Variants in GRK5 observed in about 807,000 individuals in gnomAD.
GRK5 encodes G protein-coupled receptor kinase 5, also known as g protein-coupled receptor kinase GRK5.
A neutral mutation model predicts 78.4 loss-of-function variants in GRK5; 40 were observed. The observed-to-expected ratio is 0.51, with a 90% CI of 0.40 to 0.66. GRK5 has a LOEUF of 0.66. Among genes scored for constraint, GRK5 ranks in the 30% least tolerant of loss-of-function variants. The pLI, the probability that GRK5 is intolerant of heterozygous loss-of-function variation, is 0.00. For missense variants in GRK5, 598 were observed against 759.9 expected (o/e 0.79, Z 2.50); for synonymous variants, 289 against 296.8 (o/e 0.97, Z 0.27).
At chr10:119,225,095 G>A (rs1848713409) in intron 1 of GRK5, among the ~76,000 whole-genome samples, 2 of 152,164 alleles carry the variant, frequency 1.3e-5, no homozygotes, top group African/African-American at 4.8e-5. Flanking sequence ...GGTTACATTT[G>A]TAGTAGAAAT....
chr10:119,209,487 G>GTTTTTT (rs60169912), intron 1 of GRK5, among the ~76,000 whole-genome samples: 5 of 98,924 alleles, frequency 5.1e-5, no homozygotes, highest in African/African-American at 1.1e-4. Context: ...TGTGTGTGTG[G>GTTTTTT]TTTTTTTTTT....
intron 1 of GRK5, among the ~76,000 whole-genome samples, chr10:119,210,094 T>A (rs190162360): frequency 4.1e-4 from 63 of 152,290 alleles, no homozygotes; most frequent in Non-Finnish European, 7.1e-4. Flanking sequence ...CCGACTCCCA[T>A]TGGGGCAGAA....
Position 119,412,576 on chromosome 10 carries a change from C to T in GRK5, c.340-10590C>T, listed in dbSNP as rs1171994898. 6.6e-6 allele frequency among the ~76,000 whole-genome samples: 1 copy of T among 152,172 alleles called. No homozygotes were observed. The highest frequency in any genetic ancestry group is 1.5e-5 in the Non-Finnish European group (1 of 68,022). The stretch of plus-strand genomic sequence containing the variant: ...TGTCTGGGGCTTGTGGATCACGTCT[C>T]CTGCCTGGCCATGGACAGAGAAAGG... On this transcript the variant is annotated intron_variant, in intron 4 of 15. Coordinates refer to ENST00000392870, the MANE Select transcript of GRK5 (RefSeq NM_005308.3). This position sits in a 1 kb window ranked among gnomAD's most constrained non-coding sequence, Gnocchi z 4.3.
intron 1 of GRK5, among the ~76,000 whole-genome samples, chr10:119,259,255 G>A (rs1000193050): frequency 2.0e-5 from 3 of 151,720 alleles, no homozygotes; most frequent in African/African-American, 4.8e-5. Flanking sequence ...TAGTAGAGAC[G>A]GGGTTTCACC....
chr10:119,377,343 G>T (rs192583754), intron 2 of GRK5, among the ~76,000 whole-genome samples: 8 of 152,250 alleles, frequency 5.3e-5, no homozygotes, highest in African/African-American at 1.9e-4. Context: ...TTTGATTTGC[G>T]CCTCCTCCTG....
chr10:119,290,976 T>G (rs1849945047), intron 1 of GRK5, among the ~76,000 whole-genome samples: 1 of 150,802 alleles, frequency 6.6e-6, no homozygotes, highest in Non-Finnish European at 1.5e-5. Flanking sequence ...CAGGATGGAG[T>G]GAGGAGGATT....
chr10:119,275,613 GCACACACACA>G (rs796867686), intron 1 of GRK5, among the ~76,000 whole-genome samples: 7 of 120,678 alleles, frequency 5.8e-5, no homozygotes, highest in African/African-American at 1.5e-4. Flanking sequence ...TCTCTCTCTC[GCACACACACA>G]CACACACACA....
chr10:119,297,166 G>A (rs1235108259), intron 1 of GRK5, among the ~76,000 whole-genome samples: 1 of 152,230 alleles, frequency 6.6e-6, no homozygotes, highest in Non-Finnish European at 1.5e-5. Flanking sequence ...CCCTGCCATG[G>A]GGTTGGTTTG....
At chr10:119,352,987 C>A (rs1237156168) in intron 2 of GRK5, among the ~76,000 whole-genome samples, 1 of 152,202 alleles carries the variant, frequency 6.6e-6, no homozygotes, top group African/African-American at 2.4e-5. Flanking sequence ...CACTTCTTAT[C>A]TCAGGAGGGT....
At chr10:119,282,202 C>T (rs893032516) in intron 1 of GRK5, among the ~76,000 whole-genome samples, 3 of 152,200 alleles carry the variant, frequency 2.0e-5, no homozygotes, top group African/African-American at 7.2e-5. Context: ...CATTTTGGGG[C>T]CCTAAATTAC....
chr10:119,292,031 T>TCCTCCTTCTC (rs1564879583), intron 1 of GRK5, among the ~76,000 whole-genome samples: 1 of 47,070 alleles, frequency 2.1e-5, no homozygotes, highest in African/African-American at 9.8e-5. Flanking sequence ...TCCTCCTTCT[T>TCCTCCTTCTC]CTCCTCCTCT....
chr10:119,448,475 G>A (rs910046446), intron 13 of GRK5, among the ~76,000 whole-genome samples: 1 of 152,248 alleles, frequency 6.6e-6, no homozygotes, highest in African/African-American at 2.4e-5. Flanking sequence ...CACATTGGCT[G>A]TCCAGAGACT....
chr10:119,215,574 G>A (rs1238343701), intron 1 of GRK5, among the ~76,000 whole-genome samples: 1 of 151,428 alleles, frequency 6.6e-6, no homozygotes, highest in Non-Finnish European at 1.5e-5. Flanking sequence ...GGCAGGGGTT[G>A]GGAGTTGGGA....
At chr10:119,328,763 C>T (rs955828575) in intron 2 of GRK5, among the ~76,000 whole-genome samples, 5 of 152,238 alleles carry the variant, frequency 3.3e-5, no homozygotes, top group Admixed American at 6.5e-5. Context: ...CGGGCACCTG[C>T]GCACAGCCAC....
intron 8 of GRK5, among the ~76,000 whole-genome samples, chr10:119,432,566 T>A (rs575096116): frequency 1.3e-5 from 2 of 152,354 alleles, no homozygotes; most frequent in Middle Eastern, 3.4e-3. Flanking sequence ...ACTCCAGGCA[T>A]GTTTTATTCA....
chr10:119,399,232 G>C (rs1392187395), intron 4 of GRK5, among the ~76,000 whole-genome samples: 2 of 152,236 alleles, frequency 1.3e-5, no homozygotes, highest in African/African-American at 4.8e-5. Context: ...GAGGCCTCCA[G>C]GGGAGGTGGT....
chr10:119,294,665 C>T (rs542301553), intron 1 of GRK5, among the ~76,000 whole-genome samples: 1 of 152,262 alleles, frequency 6.6e-6, no homozygotes, highest in East Asian at 1.9e-4. Flanking sequence ...CAGGGGGAGA[C>T]ATATAATTTC....
intron 1 of GRK5, among the ~76,000 whole-genome samples, chr10:119,320,152 T>C (rs1329498472): frequency 1.3e-5 from 2 of 152,148 alleles, no homozygotes; most frequent in Non-Finnish European, 2.9e-5. Flanking sequence ...CAATGATGTA[T>C]ACAGGGATTG....
At chr10:119,290,358 A>C (rs1200915609) in intron 1 of GRK5, among the ~76,000 whole-genome samples, 9 of 145,580 alleles carry the variant, frequency 6.2e-5, no homozygotes, top group Non-Finnish European at 1.2e-4. Context: ...AAAAAAAAAA[A>C]AAAAACAAAA....
Sources: allele counts gnomAD v4.1 joint callset (sites outside exome capture counted in the v4.1 genomes callset), GRCh38; gene constraint gnomAD v4.1.1; non-coding constraint Gnocchi (gnomAD v3.1); transcripts MANE v1.5; gene names NCBI Gene and HGNC (gene_info 2026-07-23, HGNC 2026-07-21).